The following NOL4 variants were observed in gnomAD, a reference collection of about 807,000 sequenced individuals.
NOL4 encodes nucleolar protein 4.
Under a neutral mutation model 75.9 loss-of-function variants are expected in NOL4, and 17 were observed. The ratio of observed to expected loss-of-function variants is 0.22; its 90% CI spans 0.15 to 0.34. The LOEUF (loss-of-function observed/expected upper bound fraction) is 0.34. Ranked by LOEUF, NOL4 falls within the 10% of genes least tolerant of loss-of-function variation. NOL4 has a pLI of 1.00. For synonymous variants in NOL4, 292 were observed against 289.9 expected (o/e 1.01, Z -0.07); for missense variants, 614 against 793.5 (o/e 0.77, Z 2.72).
intron 5 of NOL4, among the ~76,000 whole-genome samples, chr18:34,078,216 T>C (rs926692848): frequency 6.6e-6 from 1 of 152,212 alleles, no homozygotes; most frequent in Non-Finnish European, 1.5e-5. Context: ...GAAATGAATG[T>C]TAGCTTCAGA....
intron 6 of NOL4, among the ~76,000 whole-genome samples, chr18:34,005,699 C>A (rs1448970058): frequency 6.6e-6 from 1 of 152,034 alleles, no homozygotes; most frequent in African/African-American, 2.4e-5. Context: ...CTGGCCAAGG[C>A]TCACACTCAT....
chr18:34,063,788 GATA>G (rs2077158122), intron 5 of NOL4, among the ~76,000 whole-genome samples: 2 of 151,778 alleles, frequency 1.3e-5, no homozygotes, highest in South Asian at 2.1e-4. Flanking sequence ...TTTGTTATAT[GATA>G]ATAATTAATA....
intron 9 of NOL4, among the ~76,000 whole-genome samples, chr18:33,889,049 A>G (rs753546116): frequency 6.6e-6 from 1 of 152,144 alleles, no homozygotes; most frequent in Non-Finnish European, 1.5e-5. Flanking sequence ...AGAGACACAA[A>G]GAATCCTTCA....
At chr18:33,943,830 T>C (rs1245986636) in intron 8 of NOL4, among the ~76,000 whole-genome samples, 1 of 151,920 alleles carries the variant, frequency 6.6e-6, no homozygotes, top group Non-Finnish European at 1.5e-5. Flanking sequence ...TGATATTTTA[T>C]AGGGACGTGT....
intron 10 of NOL4, among the ~76,000 whole-genome samples, chr18:33,877,067 C>T (rs1338910683): frequency 6.6e-6 from 1 of 151,862 alleles, no homozygotes; most frequent in African/African-American, 2.4e-5. Context: ...TACACTCAGC[C>T]CAAAGTCATT....
intron 9 of NOL4, among the ~76,000 whole-genome samples, chr18:33,903,486 T>G (rs1024474702): frequency 6.6e-5 from 10 of 152,116 alleles, no homozygotes; most frequent in African/African-American, 2.4e-4. Context: ...GACTCCTGGG[T>G]ACACATATCT....
At chr18:34,110,778 A>G (rs1180707245) in intron 2 of NOL4, among the ~76,000 whole-genome samples, 2 of 152,096 alleles carry the variant, frequency 1.3e-5, no homozygotes, top group Non-Finnish European at 2.9e-5. Context: ...TATAGACAGA[A>G]AATCCTAAAG....
At chr18:33,912,281 T>C (rs2066455734) in intron 9 of NOL4, among the ~76,000 whole-genome samples, 1 of 152,040 alleles carries the variant, frequency 6.6e-6, no homozygotes, top group African/African-American at 2.4e-5. Context: ...ATAGTCATTA[T>C]AGTAGCATTT....
chr18:33,911,176 C>T (rs879792344), intron 9 of NOL4, among the ~76,000 whole-genome samples: 2 of 141,526 alleles, frequency 1.4e-5, no homozygotes, highest in Admixed American at 1.4e-4. Context: ...AAGATTTTGC[C>T]TTTATTTCAT....
At chr18:34,018,789 C>A (rs2144418864) in intron 6 of NOL4, among the ~76,000 whole-genome samples, 1 of 152,178 alleles carries the variant, frequency 6.6e-6, no homozygotes, top group Non-Finnish European at 1.5e-5. Flanking sequence ...TATGATAAAT[C>A]ATTTCTTAAA....
At chr18:34,197,602 A>G (rs796457799) in intron 1 of NOL4, among the ~76,000 whole-genome samples, 7 of 152,138 alleles carry the variant, frequency 4.6e-5, no homozygotes, top group African/African-American at 1.4e-4. Context: ...GTATTATCAT[A>G]AAGGGACATA....
chr18:33,920,821 C>T (rs565163869), intron 9 of NOL4, among the ~76,000 whole-genome samples: 42 of 152,224 alleles, frequency 2.8e-4, no homozygotes, highest in African/African-American at 7.7e-4. Flanking sequence ...TGAAAAGGGA[C>T]AGAGATGGGA....
chr18:33,977,663 A>C (rs1428130801), intron 6 of NOL4, among the ~76,000 whole-genome samples: 1 of 152,204 alleles, frequency 6.6e-6, no homozygotes, highest in Non-Finnish European at 1.5e-5. Flanking sequence ...GTTATCGAAT[A>C]CAAGGTTTAA....
rs2064492221 is a variant in NOL4 at position 33,884,197 on chromosome 18, GA to G, written c.1543-774del. On this transcript the variant is annotated intron_variant, in intron 9 of 10. Coordinates refer to ENST00000261592, the MANE Select transcript of NOL4 (RefSeq NM_003787.5). ...AATATTTAATAAAAGTTGGGTTCTTGAAATCCATTTTGCATCCTTTTATCTT... is the reference window on the plus strand; with the variant it reads ...AATATTTAATAAAAGTTGGGTTCTTGAATCCATTTTGCATCCTTTTATCTT... Among the ~76,000 whole-genome samples, 4 of 152,018 alleles carry G rather than the reference GA, an allele frequency of 2.6e-5. No individual in the cohort carries two copies. In the South Asian group the frequency reaches 8.3e-4, roughly 32 times the overall value.
At chr18:34,204,768 G>T (rs2036003157) in intron 1 of NOL4, among the ~76,000 whole-genome samples, 1 of 151,990 alleles carries the variant, frequency 6.6e-6, no homozygotes, top group Admixed American at 6.6e-5. Context: ...ATAAGAAAAA[G>T]GTGACAATAC....
rs572031732 is a variant in NOL4, at chr18:34,072,123, C to G, written c.772+21342G>C. ...GTGGGCACCTGTAATCCCAGCTACT[C>G]AGGAGGCTAAGGCAGGAGAATCGCC... On this transcript the variant is annotated intron_variant, in intron 5 of 10. Coordinates refer to ENST00000261592, the MANE Select transcript of NOL4 (RefSeq NM_003787.5). 2.0e-5 allele frequency among the ~76,000 whole-genome samples: 3 copies of G among 152,130 alleles called. No individual in the cohort carries two copies. The East Asian group carries it at 5.8e-4, about 29-fold the overall frequency.
At chr18:34,124,726 G>A (rs907268220) in intron 2 of NOL4, among the ~76,000 whole-genome samples, 1 of 152,046 alleles carries the variant, frequency 6.6e-6, no homozygotes, top group Admixed American at 6.6e-5. Flanking sequence ...CCAACATGGT[G>A]AAACCCCATC....
At chr18:34,071,380 G>A (rs928330147) in intron 5 of NOL4, among the ~76,000 whole-genome samples, 13 of 151,322 alleles carry the variant, frequency 8.6e-5, no homozygotes, top group Admixed American at 3.3e-4. Context: ...AAATACTCCC[G>A]TTAAAAGGCA....
At chr18:33,930,203 A>T (rs1568079380) in intron 9 of NOL4, among the ~76,000 whole-genome samples, 1 of 152,120 alleles carries the variant, frequency 6.6e-6, no homozygotes, top group Admixed American at 6.6e-5. Flanking sequence ...TTAATTTAAT[A>T]TGTATATATT....
Sources: allele counts gnomAD v4.1 joint callset (sites outside exome capture counted in the v4.1 genomes callset), GRCh38; gene constraint gnomAD v4.1.1; transcripts MANE v1.5; gene names NCBI Gene and HGNC (gene_info 2026-07-23, HGNC 2026-07-21).